The following DPP10 variants were observed in gnomAD, a reference collection of about 807,000 sequenced individuals.
DPP10 encodes dipeptidyl peptidase like 10.
In DPP10, 33 loss-of-function variants were observed where a neutral mutation model predicts 120.9. The observed-to-expected ratio is 0.27, with a 90% CI of 0.21 to 0.37. The LOEUF (loss-of-function observed/expected upper bound fraction) is 0.37, where lower values mean the gene tolerates loss of function less well. Ranked by LOEUF, DPP10 falls within the 10% of genes least tolerant of loss-of-function variation. The pLI is 1.00. For missense variants in DPP10, 816 were observed against 942.8 expected (o/e 0.87, Z 1.76); for synonymous variants, 337 against 326.1 (o/e 1.03, Z -0.36).
intron 1 of DPP10, among the ~76,000 whole-genome samples, chr2:114,634,188 G>A (rs904195135): frequency 6.6e-6 from 1 of 151,642 alleles, no homozygotes; most frequent in Non-Finnish European, 1.5e-5. Context: ...GCAGATTTTG[G>A]CACTTCTGCC....
chr2:114,561,714 T>C (rs1688779676), intron 1 of DPP10, among the ~76,000 whole-genome samples: 1 of 152,178 alleles, frequency 6.6e-6, no homozygotes. Context: ...GAAATAAATA[T>C]TCTCTTTCTC....
At chr2:115,287,333 G>T (rs2060445140) in intron 1 of DPP10, among the ~76,000 whole-genome samples, 1 of 151,978 alleles carries the variant, frequency 6.6e-6, no homozygotes, top group South Asian at 2.1e-4. Context: ...TACAAGTCGT[G>T]CTGGGTTATG....
intron 2 of DPP10, among the ~76,000 whole-genome samples, chr2:115,327,402 C>T (rs1259939494): frequency 6.6e-6 from 1 of 151,940 alleles, no homozygotes; most frequent in Non-Finnish European, 1.5e-5. Flanking sequence ...AGGAAAAGCT[C>T]ACTAGAGAAT....
rs186264936 is a variant in DPP10 at position 115,511,340 on chromosome 2, A to T, written c.366+11736A>T. ...TCTAAGACTTCTTGTTTTGATCTAA[A>T]TAACTGAATTTGTTGATAAGCAATT... On this transcript the variant is annotated intron_variant, in intron 4 of 25. Transcript: ENST00000410059. Among the ~76,000 whole-genome samples, 25 of 152,214 alleles carry T rather than the reference A, an allele frequency of 1.6e-4. No homozygotes were observed. The East Asian group carries it at 4.8e-3, about 29-fold the overall frequency.
chr2:115,572,057 T>C (rs1364720588), intron 5 of DPP10, among the ~76,000 whole-genome samples: 1 of 152,188 alleles, frequency 6.6e-6, no homozygotes, highest in Admixed American at 6.5e-5. Context: ...TATTGTACTT[T>C]TTTAAAAGCT....
At chr2:115,255,498 T>G (rs984972614) in intron 1 of DPP10, among the ~76,000 whole-genome samples, 2 of 152,228 alleles carry the variant, frequency 1.3e-5, no homozygotes, top group Non-Finnish European at 2.9e-5. Context: ...TTGTTACTTA[T>G]GCAAATTTCT....
chr2:115,333,199 A>C (rs1054589359), intron 2 of DPP10, among the ~76,000 whole-genome samples: 4 of 151,656 alleles, frequency 2.6e-5, no homozygotes, highest in Non-Finnish European at 5.9e-5. Context: ...GTCTCTTTTG[A>C]TCTTTGTTGG....
intron 5 of DPP10, among the ~76,000 whole-genome samples, chr2:115,530,194 A>T (rs1273957034): frequency 6.6e-6 from 1 of 152,008 alleles, no homozygotes; most frequent in East Asian, 1.9e-4. Context: ...CATTTTATTT[A>T]TTAATTATGT....
At chr2:114,561,205 A>G in intron 1 of DPP10, among the ~76,000 whole-genome samples, 1 of 152,154 alleles carries the variant, frequency 6.6e-6, no homozygotes, top group East Asian at 1.9e-4. Flanking sequence ...CTCCAAATAG[A>G]TTACTAGTTC....
intron 7 of DPP10, among the ~76,000 whole-genome samples, chr2:115,690,433 T>G (rs114475421): frequency 1.3e-5 from 2 of 152,124 alleles, no homozygotes; most frequent in Admixed American, 6.5e-5. Context: ...ATGTGCATGT[T>G]TATTTTAGGC....
chr2:115,741,006 G>C (rs1361312569), intron 9 of DPP10, among the ~76,000 whole-genome samples: 1 of 152,036 alleles, frequency 6.6e-6, no homozygotes, highest in Non-Finnish European at 1.5e-5. Context: ...CACTACATTA[G>C]TTAGACAAAC....
intron 3 of DPP10, among the ~76,000 whole-genome samples, chr2:115,495,365 G>GAAAAAAAAAAAAAAAAAAAAAAA (rs3039998): frequency 1.2e-5 from 1 of 82,240 alleles, no homozygotes; most frequent in African/African-American, 4.5e-5. Context: ...GCCATTTTCT[G>GAAAAAAAAAAAAAAAAAAAAAAA]AAAAAAAAAA....
At chr2:115,009,880 T>A (rs1294785536) in intron 1 of DPP10, among the ~76,000 whole-genome samples, 57 of 152,268 alleles carry the variant, frequency 3.7e-4, no homozygotes, top group Non-Finnish European at 7.4e-5. Flanking sequence ...TTAATACAAA[T>A]TTTTTTAAAG....
At chr2:115,363,651 T>C (rs1218548231) in intron 3 of DPP10, among the ~76,000 whole-genome samples, 2 of 152,230 alleles carry the variant, frequency 1.3e-5, no homozygotes, top group Non-Finnish European at 2.9e-5. Flanking sequence ...TCTAAAGGCA[T>C]TGTGAGCATC....
At chr2:115,301,415 A>G (rs2061126252) in intron 1 of DPP10, among the ~76,000 whole-genome samples, 1 of 151,814 alleles carries the variant, frequency 6.6e-6, no homozygotes, top group South Asian at 2.1e-4. Flanking sequence ...TTTGCAAAAT[A>G]AGTTCCACTG....
intron 1 of DPP10, among the ~76,000 whole-genome samples, chr2:114,570,854 A>G (rs913761049): frequency 6.6e-6 from 1 of 150,472 alleles, no homozygotes. Context: ...AAAAAAAAAA[A>G]AAAAAAGAAA....
At chr2:115,334,065 ACT>A (rs1230442474) in intron 2 of DPP10, among the ~76,000 whole-genome samples, 6 of 151,758 alleles carry the variant, frequency 4.0e-5, no homozygotes, top group African/African-American at 1.4e-4. Flanking sequence ...GTTGGAAAAC[ACT>A]CTGCAGGATA....
intron 7 of DPP10, among the ~76,000 whole-genome samples, chr2:115,722,592 A>G (rs2092674442): frequency 6.6e-6 from 1 of 152,010 alleles, no homozygotes; most frequent in Non-Finnish European, 1.5e-5. Flanking sequence ...ATGTTACTAT[A>G]TTGAATATTG....
chr2:115,789,117 C>CA (rs1237124280), intron 17 of DPP10, among the ~76,000 whole-genome samples: 27 of 145,860 alleles, frequency 1.9e-4, no homozygotes, highest in East Asian at 8.0e-4. Context: ...GACTCCGTCT[C>CA]AAAAAAAAAT....
Sources: gnomAD v4.1 joint callset for allele counts (sites outside exome capture counted in the v4.1 genomes callset) on GRCh38, gnomAD v4.1.1 for gene constraint, MANE v1.5 for transcripts, NCBI Gene and HGNC (gene_info 2026-07-23, HGNC 2026-07-21) for gene names.